Variants in SIN3A observed in about 807,000 individuals in gnomAD.
SIN3A encodes SIN3 transcription regulator family member A.
SIN3A carries 14 observed loss-of-function variants against 146.1 expected under a neutral mutation model. The ratio of observed to expected loss-of-function variants is 0.10; its 90% CI spans 0.06 to 0.15. SIN3A has a LOEUF of 0.15. Ranked by LOEUF, SIN3A falls within the 10% of genes least tolerant of loss-of-function variation. The pLI is 1.00. For missense variants in SIN3A, 1,028 were observed against 1,576.0 expected, an observed-to-expected ratio of 0.65 and a Z score of 5.89; for synonymous variants, 572 against 572.0, an observed-to-expected ratio of 1.00 and a Z score of 0.00.
At position 75,430,194 on chromosome 15, in the gene SIN3A, C is replaced by T; in HGVS notation, c.182G>A (p.Ser61Asn). The change falls in exon 2 of 21, where the codon AGC becomes AAC. Residue 61 changes from serine to asparagine, a missense_variant. By Grantham distance (46) the Ser-to-Asn change is conservative. This residue lies in a region of SIN3A where 152 missense variants were observed against 231.5 expected (regional missense o/e 0.66). Coordinates refer to ENST00000394947, the MANE Select transcript of SIN3A (RefSeq NM_001145358.2). ...TGGTTGGCTCCAGCTTACCTGGTAG[C>T]TGGGTGTTACAGAGTACTGAATTCC... ...ATGIQYSVTP[S>N]YQVSAMPQSS... is the part of the protein sequence containing the mutation. 1 of 1,613,674 alleles carries T rather than the reference C, an allele frequency of 6.2e-7. No homozygotes were observed. Among genetic ancestry groups the T allele is most frequent in the Non-Finnish European group, 8.5e-7 (1 of 1,179,634 alleles).
intron 11 of SIN3A, 66 bp downstream of exon 11, chr15:75,400,664 G>A (rs2073394407): frequency 4.7e-5 from 52 of 1,116,150 alleles, no homozygotes; most frequent in Non-Finnish European, 6.0e-5. Context: ...TCAATCCTTG[G>A]TACCACCACT....
At chr15:75,383,483 A>G (rs2073015979) in intron 17 of SIN3A, among the ~76,000 whole-genome samples, 1 of 150,208 alleles carries the variant, frequency 6.7e-6, no homozygotes, top group Non-Finnish European at 1.5e-5. Context: ...GGGTGCAGTG[A>G]CGCGATCAGG....
At chr15:75,429,517 A>G (rs969272147) in intron 2 of SIN3A, among the ~76,000 whole-genome samples, 1 of 152,244 alleles carries the variant, frequency 6.6e-6, no homozygotes, top group African/African-American at 2.4e-5. Flanking sequence ...AGAGTCAGCC[A>G]TATTTCACTA....
At chr15:75,449,720 AAAAAAGAAAAGACTTTTC>A (rs1310877378) in intron 1 of SIN3A, among the ~76,000 whole-genome samples, 1 of 152,204 alleles carries the variant, frequency 6.6e-6, no homozygotes, top group Non-Finnish European at 1.5e-5. Context: ...TACATAAAAT[AAAAAAGAAAAGACTTTTC>A]ACCTATAGTT....
At chr15:75,382,394 CAATTTAT>C (rs2072989277) in intron 17 of SIN3A, among the ~76,000 whole-genome samples, 1 of 152,188 alleles carries the variant, frequency 6.6e-6, no homozygotes, top group Non-Finnish European at 1.5e-5. Context: ...TGCATTTTCA[CAATTTAT>C]AATTTAAGAA....
Position 75,430,231 on chromosome 15 carries a change from G to A in SIN3A, c.145C>T (p.Gln49Ter). The change falls in exon 2 of 21, where the codon CAG becomes TAG. Residue 49 changes from glutamine to a stop codon, truncating the protein, a stop_gained. Coordinates refer to ENST00000394947, the MANE Select transcript of SIN3A (RefSeq NM_001145358.2). LOFTEE classifies it high-confidence loss of function. ...PVYEAVSETMQSATGIQYSVT... is the reference protein window; with the variant it reads ...PVYEAVSETM The stretch of plus-strand genomic sequence containing the variant: ...GAGTACTGAATTCCCGTAGCTGACT[G>A]CATGGTCTCAGACACTGCTTCATAC... 1 of 1,614,178 alleles carries A rather than the reference G, an allele frequency of 6.2e-7. No individual in the cohort carries two copies. Among genetic ancestry groups the A allele is most frequent in the Non-Finnish European group, 8.5e-7 (1 of 1,180,020 alleles).
intron 12 of SIN3A, among the ~76,000 whole-genome samples, chr15:75,399,530 A>AAAAAC (rs898539447): frequency 1.4e-5 from 2 of 143,130 alleles, no homozygotes; most frequent in African/African-American, 5.6e-5. Flanking sequence ...TCCGTCTCAA[A>AAAAAC]AAAACAAAAC....
In SIN3A at chr15:75,429,556, T is replaced by A. The variant is rs183560871; in HGVS notation, c.189+631A>T. The stretch of plus-strand genomic sequence containing the variant: ...TGATGTTTAATTCAGCTGTCTTTTT[T>A]AAAAATAAATAGCAAAACTGTCTTA... On this transcript the variant is annotated intron_variant, in intron 2 of 20. Coordinates refer to ENST00000394947, the MANE Select transcript of SIN3A (RefSeq NM_001145358.2). Among the ~76,000 whole-genome samples, 342 of 152,360 alleles carry A rather than the reference T, an allele frequency of 2.2e-3. 3 individuals are homozygous for A. The highest frequency in any genetic ancestry group is 4.1e-3 in the South Asian group (20 of 4,834).
Position 75,389,685 on chromosome 15 carries a change from G to A in SIN3A, c.2988C>T (p.Thr996=). 1 of 1,614,146 alleles carries A rather than the reference G, an allele frequency of 6.2e-7. No homozygotes were observed. The highest frequency in any genetic ancestry group is 8.5e-7 in the Non-Finnish European group (1 of 1,180,004). ...MFTIHAYIAF[T]MDKLIQSIVR... ...CAATGCTCTGGATCAGTTTGTCCAT[G>A]GTAAAGGCAATGTAGGCATGAATGG... Residue 996 remains threonine (T), a synonymous_variant, in exon 16 of 21, where the codon ACC becomes ACT. Transcript: ENST00000394947.
chr15:75,411,390 T>A, intron 6 of SIN3A, 102 bp downstream of exon 6: 3 of 1,243,752 alleles, frequency 2.4e-6, no homozygotes, highest in Non-Finnish European at 3.3e-6. Context: ...AACTGGTTAA[T>A]TTCCAGTATG....
intron 20 of SIN3A, among the ~76,000 whole-genome samples, chr15:75,373,883 A>G (rs1356993060): frequency 2.6e-5 from 4 of 152,234 alleles, no homozygotes; most frequent in Non-Finnish European, 2.9e-5. Flanking sequence ...GGGGGAGTCA[A>G]AAATTATACA....
intron 3 of SIN3A, among the ~76,000 whole-genome samples, chr15:75,414,998 A>G (rs1461949990): frequency 6.6e-6 from 1 of 152,236 alleles, no homozygotes; most frequent in Non-Finnish European, 1.5e-5. Context: ...ACAGAAAAAA[A>G]AGCAGGATCT....
At chr15:75,448,468 T>G (rs2074346746) in intron 1 of SIN3A, among the ~76,000 whole-genome samples, 2 of 148,394 alleles carry the variant, frequency 1.3e-5, no homozygotes, top group African/African-American at 2.5e-5. Flanking sequence ...CACTCCAGCC[T>G]GGGAGACAGA....
At chr15:75,392,876 A>G in intron 14 of SIN3A, 61 bp from the exon 15 acceptor site, 3 of 1,202,656 alleles carry the variant, frequency 2.5e-6, no homozygotes, top group Middle Eastern at 2.0e-4. Context: ...CATGTCTACA[A>G]GACCACATCA....
chr15:75,450,389 G>A (rs529269093), intron 1 of SIN3A, among the ~76,000 whole-genome samples: 3 of 152,086 alleles, frequency 2.0e-5, no homozygotes, highest in East Asian at 1.9e-4. Context: ...GCCCCGCCCC[G>A]TACAGCCACG....
At chr15:75,445,380 C>CAAAAAAAAA (rs10539996) in intron 1 of SIN3A, among the ~76,000 whole-genome samples, 1 of 63,606 alleles carries the variant, frequency 1.6e-5, no homozygotes, top group Non-Finnish European at 2.9e-5. Flanking sequence ...GACACTGTCT[C>CAAAAAAAAA]AAAAAAAAAA....
chr15:75,387,971 C>CA (rs1209200009), intron 16 of SIN3A, among the ~76,000 whole-genome samples: 16 of 152,284 alleles, frequency 1.1e-4, no homozygotes, highest in Admixed American at 7.8e-4. Context: ...AACTTTCCCC[C>CA]AGATGTTAAG....
At chr15:75,389,562 T>C (rs966554985) in intron 16 of SIN3A, 90 bp downstream of exon 16, 3 of 1,267,656 alleles carry the variant, frequency 2.4e-6, no homozygotes, top group Non-Finnish European at 2.3e-6. Context: ...CACTGTTATA[T>C]GAAAAAGTTG....
intron 1 of SIN3A, among the ~76,000 whole-genome samples, chr15:75,436,810 T>A (rs926363555): frequency 2.0e-5 from 3 of 147,994 alleles, no homozygotes; most frequent in African/African-American, 7.4e-5. Flanking sequence ...AGCTCTTGAG[T>A]GGAAAAAATA....
Sources: allele counts gnomAD v4.1 joint callset (sites outside exome capture counted in the v4.1 genomes callset), GRCh38; gene constraint gnomAD v4.1.1; regional missense constraint gnomAD v4.1.1; transcripts MANE v1.5; gene names NCBI Gene and HGNC (gene_info 2026-07-23, HGNC 2026-07-21).